PLCE1: variants seen among roughly 807,000 people sequenced by gnomAD.
PLCE1 encodes the protein phospholipase C epsilon 1, also known as 1-phosphatidylinositol 4,5-bisphosphate phosphodiesterase epsilon-1.
PLCE1 carries 119 observed loss-of-function variants against 242.8 expected under a neutral mutation model. That is an observed-to-expected ratio of 0.49 (90% CI 0.42 to 0.57). The LOEUF is 0.57. PLCE1 is among the 20% of genes least tolerant of loss of function. The pLI, the probability that PLCE1 is intolerant of heterozygous loss-of-function variation, is 0.00. For missense variants in PLCE1, 2,441 were observed against 2,788.8 expected, an observed-to-expected ratio of 0.88 and a Z score of 2.81; for synonymous variants, 945 against 1,017.4, an observed-to-expected ratio of 0.93 and a Z score of 1.35.
chr10:94,120,401 A>T (rs1350774605), intron 2 of PLCE1, among the ~76,000 whole-genome samples: 2 of 152,144 alleles, frequency 1.3e-5, no homozygotes, highest in African/African-American at 4.8e-5. Flanking sequence ...TGCTCAATTA[A>T]TCAGGACCAG....
chr10:94,060,061 A>T (rs565258097), intron 2 of PLCE1, among the ~76,000 whole-genome samples: 1 of 152,220 alleles, frequency 6.6e-6, no homozygotes, highest in South Asian at 2.1e-4. Flanking sequence ...CCACATGGAC[A>T]GGTCTTTAAC....
intron 4 of PLCE1, among the ~76,000 whole-genome samples, chr10:94,175,726 C>T (rs1238058899): frequency 6.6e-6 from 1 of 152,142 alleles, no homozygotes; most frequent in Non-Finnish European, 1.5e-5. Flanking sequence ...CCCTCTACTA[C>T]CTTTCTCACC....
chr10:94,059,477 C>T (rs911380491), intron 2 of PLCE1, among the ~76,000 whole-genome samples: 2 of 151,194 alleles, frequency 1.3e-5, no homozygotes, highest in Admixed American at 1.3e-4. Flanking sequence ...GGATGTGGTA[C>T]AGTTGATGAT....
intron 2 of PLCE1, among the ~76,000 whole-genome samples, chr10:94,086,057 G>A (rs998107061): frequency 6.6e-6 from 1 of 152,194 alleles, no homozygotes; most frequent in Non-Finnish European, 1.5e-5. Flanking sequence ...AAGCAAGCTC[G>A]TTGGGGACCT....
chr10:94,034,472 G>T (rs959665148), intron 2 of PLCE1, among the ~76,000 whole-genome samples: 18 of 152,318 alleles, frequency 1.2e-4, no homozygotes, highest in African/African-American at 4.3e-4. Flanking sequence ...AGGTTACTTA[G>T]CTAGTAAGTG....
intron 4 of PLCE1, among the ~76,000 whole-genome samples, chr10:94,207,852 G>A (rs77380620): frequency 0.027 from 4,065 of 152,190 alleles, 164 homozygotes; most frequent in African/African-American, 0.086. Flanking sequence ...TAAATAAAGC[G>A]AGTAATGGAT....
At position 94,201,166 on chromosome 10, in the gene PLCE1, G is replaced by C. The variant is rs151153432; in HGVS notation, c.1810-26140G>C. 2.9e-3 allele frequency among the ~76,000 whole-genome samples: 436 copies of C among 152,260 alleles called. 1 individual carries two copies. Among genetic ancestry groups the C allele is most frequent in the African/African-American group, 8.8e-3 (366 of 41,554 alleles). Reference sequence around the variant, plus strand: ...AAGACATTAATAAACGGGGACTTGGGTGCCAGGATTATGGGAATTCTCTGT... The same window carrying C: ...AAGACATTAATAAACGGGGACTTGGCTGCCAGGATTATGGGAATTCTCTGT... On this transcript the variant is annotated intron_variant, in intron 4 of 32. Transcript: ENST00000371380.
At chr10:94,318,518 T>C (rs2053655247) in intron 29 of PLCE1, among the ~76,000 whole-genome samples, 1 of 152,176 alleles carries the variant, frequency 6.6e-6, no homozygotes, top group South Asian at 2.1e-4. Context: ...GGTGAAATCA[T>C]GACAGGGTTA....
chr10:94,139,185 G>T (rs1382031557), intron 3 of PLCE1: 1 of 152,692 alleles, frequency 6.5e-6, no homozygotes, highest in African/African-American at 2.4e-5. Context: ...TCAGGAGGCT[G>T]AGGCAGGAGA....
intron 2 of PLCE1, among the ~76,000 whole-genome samples, chr10:94,080,366 C>A (rs2044621207): frequency 6.6e-6 from 1 of 152,150 alleles, no homozygotes; most frequent in South Asian, 2.1e-4. Flanking sequence ...CTCAGGGAAG[C>A]CTTCCTAGAC....
intron 1 of PLCE1, among the ~76,000 whole-genome samples, chr10:94,022,031 A>G (rs1050718118): frequency 6.6e-6 from 1 of 152,054 alleles, no homozygotes; most frequent in African/African-American, 2.4e-5. Context: ...TAGCATCATA[A>G]TTGAAGATTC....
chr10:94,114,515 T>C (rs1330676887), intron 2 of PLCE1, among the ~76,000 whole-genome samples: 1 of 152,204 alleles, frequency 6.6e-6, no homozygotes, highest in African/African-American at 2.4e-5. Flanking sequence ...GCTCAGTTCA[T>C]TCATGAAGAT....
At chr10:94,088,336 A>G (rs1396588055) in intron 2 of PLCE1, 1 of 152,240 alleles carries the variant, frequency 6.6e-6, no homozygotes, top group African/African-American at 2.4e-5. Flanking sequence ...TGCCTCTGGC[A>G]TCTCCACTAG....
At position 94,329,811 on chromosome 10, in the gene PLCE1, A is replaced by C. The variant is rs1023985911; in HGVS notation, c.*1868A>C. On this transcript the variant is annotated 3_prime_UTR_variant, in exon 33 of 33. Transcript: ENST00000371380. ...AAAAAAAAAAAAAAAAAAAAAAAAA[A>C]CACCATACAGCTTTCATGTCATTGA... is the stretch of plus-strand genomic sequence containing the variant. 3 of 140,026 alleles carry C rather than the reference A, an allele frequency of 2.1e-5. No homozygotes were observed. The highest frequency in any genetic ancestry group is 2.1e-4 in the East Asian group (1 of 4,770). The allele number at this position is 140,026 out of a possible 1,614,324, so 8.7% of individuals were successfully genotyped here. A position where few individuals can be genotyped will look rare whatever the true frequency, so the allele number is the denominator to read the frequency against.
chr10:94,092,133 G>A (rs1445045001), intron 2 of PLCE1, among the ~76,000 whole-genome samples: 1 of 152,106 alleles, frequency 6.6e-6, no homozygotes, highest in East Asian at 1.9e-4. Flanking sequence ...AGCATGAATA[G>A]TAATTATGAA....
intron 4 of PLCE1, among the ~76,000 whole-genome samples, chr10:94,187,255 TG>T (rs2048510544): frequency 6.6e-6 from 1 of 151,504 alleles, no homozygotes; most frequent in African/African-American, 2.4e-5. Context: ...TAAAGAAACA[TG>T]GGCATTAAAT....
chr10:94,193,779 C>G (rs1187921387), intron 4 of PLCE1, among the ~76,000 whole-genome samples: 1 of 152,170 alleles, frequency 6.6e-6, no homozygotes, highest in Non-Finnish European at 1.5e-5. Context: ...GGTTTAACAA[C>G]TTTGTCAAAT....
chr10:94,126,122 T>C (rs1218697123), intron 2 of PLCE1, among the ~76,000 whole-genome samples: 2 of 152,230 alleles, frequency 1.3e-5, no homozygotes, highest in Non-Finnish European at 2.9e-5. Flanking sequence ...AAAGTGTTTA[T>C]GCAAGTGTTA....
At position 94,331,721 on chromosome 10, in the gene PLCE1, T is replaced by C. The variant is rs1466686172; in HGVS notation, c.*3778T>C. On this transcript the variant is annotated 3_prime_UTR_variant, in exon 33 of 33. Transcript: ENST00000371380. Reference sequence around the variant, plus strand: ...TTGGGTCAATATTCCCCATGATCCATTGTTAATAATTTATGTGTTCTCTGC... The same window carrying C: ...TTGGGTCAATATTCCCCATGATCCACTGTTAATAATTTATGTGTTCTCTGC... 6.6e-6 allele frequency: 1 copy of C among 152,178 alleles called. No individual in the cohort carries two copies. The highest frequency in any genetic ancestry group is 1.5e-5 in the Non-Finnish European group (1 of 68,038). The allele number at this position is 152,178 out of a possible 1,614,324, so 9.4% of individuals were successfully genotyped here. A position where few individuals can be genotyped will look rare whatever the true frequency, so the allele number is the denominator to read the frequency against.
Sources: allele counts gnomAD v4.1 joint callset (sites outside exome capture counted in the v4.1 genomes callset), GRCh38; gene constraint gnomAD v4.1.1; transcripts MANE v1.5; gene names NCBI Gene and HGNC (gene_info 2026-07-23, HGNC 2026-07-21).